KRABD5: variants seen among roughly 807,000 people sequenced by gnomAD.
KRABD5 encodes the protein KRAB domain containing 5, also known as KRAB domain-containing protein 5.
At chr16:31,732,804 A>C in the KRABD5 span, among the ~76,000 whole-genome samples, 2 of 152,176 alleles carry the variant, frequency 1.3e-5, no homozygotes, top group Non-Finnish European at 2.9e-5. Context: ...ATTATTAATG[A>C]TTGTAATGCA....
chr16:31,713,653 C>T, the KRABD5 span: 6 of 631,854 alleles, frequency 9.5e-6, no homozygotes, highest in East Asian at 9.3e-5. Context: ...CTGCCATGGC[C>T]GGAGCCGTCT....
chr16:31,717,506 A>C, the KRABD5 span, among the ~76,000 whole-genome samples: 1 of 152,338 alleles, frequency 6.6e-6, no homozygotes, highest in Non-Finnish European at 1.5e-5. Flanking sequence ...AATAAAAACC[A>C]CAGATGGCCT....
At chr16:31,754,328 C>A in the KRABD5 span, 8 of 612,930 alleles carry the variant, frequency 1.3e-5, no homozygotes, top group African/African-American at 1.3e-4. Context: ...GGTCTTCATT[C>A]ATTCATCATT....
the KRABD5 span, among the ~76,000 whole-genome samples, chr16:31,717,588 T>C: frequency 1.3e-5 from 2 of 152,222 alleles, no homozygotes; most frequent in African/African-American, 4.8e-5. Flanking sequence ...TATTGAGGAC[T>C]AATTATGGTG....
the KRABD5 span, among the ~76,000 whole-genome samples, chr16:31,738,416 C>T: frequency 6.6e-6 from 1 of 152,102 alleles, no homozygotes; most frequent in Non-Finnish European, 1.5e-5. Flanking sequence ...TTTATTATAG[C>T]TTCCTAGACA....
At chr16:31,752,340 T>G in the KRABD5 span, among the ~76,000 whole-genome samples, 1 of 152,212 alleles carries the variant, frequency 6.6e-6, no homozygotes, top group African/African-American at 2.4e-5. Context: ...TTTGTGAATT[T>G]TCTGCCTCAG....
the KRABD5 span, chr16:31,755,347 T>C: frequency 2.0e-6 from 1 of 505,618 alleles, no homozygotes; most frequent in South Asian, 1.5e-5. Flanking sequence ...CACGCCTTAC[T>C]CAACATCAAA....
chr16:31,713,962 GA>G, the KRABD5 span, among the ~76,000 whole-genome samples: 2 of 152,192 alleles, frequency 1.3e-5, no homozygotes, highest in Non-Finnish European at 2.9e-5. Context: ...CTGGGGAAAA[GA>G]AATAGGGACA....
the KRABD5 span, chr16:31,759,542 TCA>T: frequency 1.0e-6 from 1 of 955,282 alleles, no homozygotes; most frequent in Non-Finnish European, 1.6e-6. Context: ...ATGTACATCT[TCA>T]CAAAAAAAAT....
chr16:31,751,124 A>G, the KRABD5 span, among the ~76,000 whole-genome samples: 1 of 152,202 alleles, frequency 6.6e-6, no homozygotes, highest in African/African-American at 2.4e-5. Flanking sequence ...CTAACCTTGC[A>G]TTCTAGGAAT....
At chr16:31,731,664 A>G in the KRABD5 span, among the ~76,000 whole-genome samples, 1 of 152,210 alleles carries the variant, frequency 6.6e-6, no homozygotes, top group Non-Finnish European at 1.5e-5. Flanking sequence ...GCTGACAGAA[A>G]GTAGAGCCAA....
At chr16:31,721,762 T>C in the KRABD5 span, among the ~76,000 whole-genome samples, 1 of 152,214 alleles carries the variant, frequency 6.6e-6, no homozygotes, top group Non-Finnish European at 1.5e-5. Flanking sequence ...ATCCCTGAAT[T>C]CTTCGTTCAG....
the KRABD5 span, among the ~76,000 whole-genome samples, chr16:31,720,274 G>A: frequency 6.6e-6 from 1 of 152,220 alleles, no homozygotes; most frequent in South Asian, 2.1e-4. Flanking sequence ...GGTGGTCCTC[G>A]CTGTGAATGA....
the KRABD5 span, chr16:31,759,047 C>G: frequency 8.1e-6 from 2 of 245,708 alleles, no homozygotes; most frequent in Non-Finnish European, 1.6e-5. Context: ...GTTAAAGATT[C>G]ATATTGTATT....
At chr16:31,727,748 A>C in the KRABD5 span, among the ~76,000 whole-genome samples, 1 of 152,040 alleles carries the variant, frequency 6.6e-6, no homozygotes, top group Non-Finnish European at 1.5e-5. Context: ...CATTTCTAAG[A>C]ATCTGTTTCT....
At chr16:31,742,697 A>G in the KRABD5 span, among the ~76,000 whole-genome samples, 2 of 152,216 alleles carry the variant, frequency 1.3e-5, no homozygotes, top group African/African-American at 4.8e-5. Flanking sequence ...TTGCTGGGTC[A>G]AATAGTGTTT....
chr16:31,723,609 G>C, the KRABD5 span, among the ~76,000 whole-genome samples: 2 of 152,216 alleles, frequency 1.3e-5, no homozygotes, highest in African/African-American at 4.8e-5. Context: ...CCCTTGGCCT[G>C]TGAGGGCCTG....
the KRABD5 span, chr16:31,713,451 C>CG: frequency 1.9e-6 from 3 of 1,602,636 alleles, no homozygotes; most frequent in Admixed American, 1.7e-5. Context: ...TGTGCCAGGT[C>CG]GGGGGTCCCC....
the KRABD5 span, among the ~76,000 whole-genome samples, chr16:31,732,984 T>G: frequency 1.3e-5 from 2 of 152,176 alleles, no homozygotes; most frequent in Admixed American, 1.3e-4. Context: ...TTCTTGTTAT[T>G]GATTCCATAT....
Sources: allele counts gnomAD v4.1 joint callset (sites outside exome capture counted in the v4.1 genomes callset), GRCh38; gene constraint gnomAD v4.1.1; transcripts MANE v1.5; gene names NCBI Gene and HGNC (gene_info 2026-07-23, HGNC 2026-07-21).